Variants in TRAF3 observed in about 807,000 individuals in gnomAD.
TRAF3 encodes the protein TNF receptor associated factor 3.
TRAF3 carries 13 observed loss-of-function variants against 62.3 expected under a neutral mutation model. That is an observed-to-expected ratio of 0.21 (90% CI 0.14 to 0.33). TRAF3 has a LOEUF of 0.33. TRAF3 is among the 10% of genes least tolerant of loss of function. The pLI is 1.00. For missense variants in TRAF3, 440 were observed against 741.8 expected (o/e 0.59, Z 4.73); for synonymous variants, 269 against 283.4 (o/e 0.95, Z 0.51).
chr14:102,806,183 A>G (rs189653885), intron 1 of TRAF3, among the ~76,000 whole-genome samples: 181 of 152,344 alleles, frequency 1.2e-3, no homozygotes, highest in African/African-American at 3.7e-3. Context: ...TTCGGGTTCA[A>G]AATGTTAGTT....
chr14:102,890,411 A>C (rs1205240267), intron 8 of TRAF3, among the ~76,000 whole-genome samples: 2 of 152,256 alleles, frequency 1.3e-5, no homozygotes, highest in Admixed American at 6.5e-5. Flanking sequence ...TTTCTGAGGA[A>C]GAGAACAGCC....
At chr14:102,778,455 G>A (rs1595269020) in intron 1 of TRAF3, among the ~76,000 whole-genome samples, 2 of 152,232 alleles carry the variant, frequency 1.3e-5, no homozygotes, top group Admixed American at 6.5e-5. Flanking sequence ...AAACGGATGA[G>A]GTGTTATGGA....
At chr14:102,815,928 T>C (rs1899490864) in intron 1 of TRAF3, among the ~76,000 whole-genome samples, 1 of 152,162 alleles carries the variant, frequency 6.6e-6, no homozygotes, top group Admixed American at 6.6e-5. Context: ...AATCACTTCC[T>C]TCCCTTGACA....
chr14:102,848,094 A>G (rs901875016), intron 2 of TRAF3, among the ~76,000 whole-genome samples: 1 of 152,148 alleles, frequency 6.6e-6, no homozygotes, highest in African/African-American at 2.4e-5. Context: ...GGAGTATTGC[A>G]TTTTTTGATA....
chr14:102,795,016 A>G (rs1306739765), intron 1 of TRAF3, among the ~76,000 whole-genome samples: 1 of 152,132 alleles, frequency 6.6e-6, no homozygotes, highest in Non-Finnish European at 1.5e-5. Context: ...CTCTGTTCTT[A>G]AAAAAAGCTT....
At chr14:102,832,945 T>C (rs1408822996) in intron 2 of TRAF3, among the ~76,000 whole-genome samples, 2 of 152,244 alleles carry the variant, frequency 1.3e-5, no homozygotes, top group Non-Finnish European at 2.9e-5. Context: ...ATCTGAGAAT[T>C]ATAGAAAATA....
intron 9 of TRAF3, among the ~76,000 whole-genome samples, chr14:102,893,540 G>T (rs534499529): frequency 3.9e-5 from 6 of 152,120 alleles, no homozygotes; most frequent in African/African-American, 1.4e-4. Flanking sequence ...TGGGGATTTG[G>T]CTCCTTCCTT....
intron 6 of TRAF3, among the ~76,000 whole-genome samples, chr14:102,885,577 G>A (rs1316475529): frequency 1.3e-5 from 2 of 152,212 alleles, no homozygotes; most frequent in African/African-American, 2.4e-5. Flanking sequence ...TAGCAAAGGT[G>A]AAGTTTGTGC....
chr14:102,872,049 C>T, intron 4 of TRAF3, 81 bp downstream of exon 4: 1 of 1,426,984 alleles, frequency 7.0e-7, no homozygotes, highest in African/African-American at 1.4e-5. Context: ...ATTCGGCACT[C>T]TGGCACAACA....
At chr14:102,857,454 A>G (rs1026672443) in intron 2 of TRAF3, among the ~76,000 whole-genome samples, 3 of 152,224 alleles carry the variant, frequency 2.0e-5, no homozygotes, top group Non-Finnish European at 1.5e-5. Flanking sequence ...TTTTTCACAT[A>G]GGTTTTTAAA....
intron 1 of TRAF3, among the ~76,000 whole-genome samples, chr14:102,794,888 G>A (rs1897986495): frequency 1.3e-5 from 2 of 152,130 alleles, no homozygotes; most frequent in Non-Finnish European, 2.9e-5. Flanking sequence ...TGTTTGTCAA[G>A]TTTTTCAAGT....
chr14:102,829,612 C>T (rs1438196234), intron 1 of TRAF3, among the ~76,000 whole-genome samples: 1 of 152,212 alleles, frequency 6.6e-6, no homozygotes, highest in Non-Finnish European at 1.5e-5. Context: ...TGGTGGGCTC[C>T]TGGCACAGCT....
rs755352766 is a variant in TRAF3, at chr14:102,905,706, A to C, written c.1629A>C (p.Leu543=). Residue 543 remains leucine (L), a synonymous_variant, in exon 12 of 12, where the codon CTA becomes CTC. Coordinates refer to ENST00000392745, the MANE Select transcript of TRAF3 (RefSeq NM_145725.3). ...CAGTCTTTGTGGCCCAAACTGTTCT[A>C]GAAAATGGGACATATATTAAAGATG... The part of the protein sequence containing the change: ...GCPVFVAQTV[L]ENGTYIKDDT... The C allele has an allele frequency of 6.2e-6, 10 of 1,612,482 alleles. No individual in the cohort carries two copies. In the African/African-American group the frequency reaches 1.3e-4, roughly 22 times the overall value.
rs867248711 is a variant in TRAF3 at position 102,801,372 on chromosome 14, T to G, written c.-157+23697T>G. The stretch of plus-strand genomic sequence containing the variant: ...TGCGTACAATATTTCCTTTCTAAAA[T>G]TCAAAAAATTCTGAACTCTGAAACA... On this transcript the variant is annotated intron_variant, in intron 1 of 11. Coordinates refer to ENST00000392745, the MANE Select transcript of TRAF3 (RefSeq NM_145725.3). 5.9e-4 allele frequency among the ~76,000 whole-genome samples: 90 copies of G among 152,276 alleles called. 1 individual carries two copies. In the Middle Eastern group the frequency reaches 0.017, roughly 29 times the overall value.
At chr14:102,805,432 T>C (rs866204436) in intron 1 of TRAF3, among the ~76,000 whole-genome samples, 10 of 152,146 alleles carry the variant, frequency 6.6e-5, no homozygotes, top group Admixed American at 2.6e-4. Flanking sequence ...GAAGAAGATA[T>C]CCAGATGAGA....
rs549115284 is a variant in TRAF3, at chr14:102,834,884, CAAA to C, written c.-18+4415_-18+4417del. Among the ~76,000 whole-genome samples, 671 of 152,006 alleles carry C rather than the reference CAAA, an allele frequency of 4.4e-3. 7 individuals are homozygous for C. The highest frequency in any genetic ancestry group is 0.016 in the African/African-American group (656 of 41,464). On this transcript the variant is annotated intron_variant, in intron 2 of 11. Transcript: ENST00000392745. Reference sequence around the variant, plus strand: ...ACACAAAAAGCAATTGCAACAAAAGCAAAAATTGACAAATGGGATCTAATTAAA... The same window carrying C: ...ACACAAAAAGCAATTGCAACAAAAGCAATTGACAAATGGGATCTAATTAAA...
At chr14:102,884,923 G>A (rs1318023616) in intron 6 of TRAF3, among the ~76,000 whole-genome samples, 3 of 152,160 alleles carry the variant, frequency 2.0e-5, no homozygotes, top group African/African-American at 4.8e-5. Flanking sequence ...AAGATTGTGC[G>A]ATAGAATTGG....
intron 2 of TRAF3, among the ~76,000 whole-genome samples, chr14:102,859,569 G>C (rs952033410): frequency 2.6e-5 from 4 of 152,198 alleles, no homozygotes; most frequent in African/African-American, 9.7e-5. Flanking sequence ...CCTAAAATTT[G>C]ACCTGCCTGA....
At chr14:102,791,568 C>T (rs1897793311) in intron 1 of TRAF3, among the ~76,000 whole-genome samples, 1 of 152,144 alleles carries the variant, frequency 6.6e-6, no homozygotes, top group South Asian at 2.1e-4. Flanking sequence ...TTTATTACCT[C>T]TAGTAGTTAT....
Sources: gnomAD v4.1 joint callset for allele counts (sites outside exome capture counted in the v4.1 genomes callset) on GRCh38, gnomAD v4.1.1 for gene constraint, MANE v1.5 for transcripts, NCBI Gene and HGNC (gene_info 2026-07-23, HGNC 2026-07-21) for gene names.